Variants in FER observed in about 807,000 individuals in gnomAD.
FER encodes tyrosine-protein kinase Fer.
Under a neutral mutation model 111.0 loss-of-function variants are expected in FER, and 63 were observed. The ratio of observed to expected loss-of-function variants is 0.57; its 90% CI spans 0.46 to 0.70. The LOEUF (loss-of-function observed/expected upper bound fraction) is 0.70. FER is among the 30% of genes least tolerant of loss of function. FER has a pLI of 0.00. For synonymous variants in FER, 327 were observed against 313.9 expected (o/e 1.04, Z -0.44); for missense variants, 914 against 954.0 (o/e 0.96, Z 0.55).
intron 16 of FER, among the ~76,000 whole-genome samples, chr5:109,065,513 G>A (rs1004012376): frequency 3.9e-5 from 6 of 152,180 alleles, no homozygotes; most frequent in Admixed American, 6.5e-5. Context: ...CAAAGTATCT[G>A]GACTCTTCTC....
intron 3 of FER, among the ~76,000 whole-genome samples, chr5:108,831,985 GTA>G (rs1205103751): frequency 1.3e-5 from 2 of 151,244 alleles, no homozygotes; most frequent in African/African-American, 4.9e-5. Context: ...TTTTTTAAAA[GTA>G]TGTGTATGTC....
At chr5:109,100,341 T>C in intron 16 of FER, 55 bp from the exon 17 acceptor site, 1 of 1,592,490 alleles carries the variant, frequency 6.3e-7, no homozygotes, top group Non-Finnish European at 8.6e-7. Flanking sequence ...AAATAGATGA[T>C]AAATGTGACT....
At chr5:108,897,450 G>T (rs1469464388) in intron 9 of FER, among the ~76,000 whole-genome samples, 1 of 152,066 alleles carries the variant, frequency 6.6e-6, no homozygotes, top group Non-Finnish European at 1.5e-5. Context: ...CTTGAATTTG[G>T]ATTTGACTCC....
chr5:109,174,514 T>C (rs561935609), intron 17 of FER, among the ~76,000 whole-genome samples: 1 of 152,312 alleles, frequency 6.6e-6, no homozygotes, highest in Admixed American at 6.5e-5. Flanking sequence ...TGGTGTGCTC[T>C]AAGAGACAGT....
At chr5:108,845,742 C>CA (rs567504268) in intron 5 of FER, among the ~76,000 whole-genome samples, 3 of 152,114 alleles carry the variant, frequency 2.0e-5, no homozygotes, top group Non-Finnish European at 4.4e-5. Context: ...CTCTCACCTT[C>CA]AAGTATGATG....
chr5:109,183,341 TGGGTTCAA>T (rs1758496710), intron 18 of FER, among the ~76,000 whole-genome samples: 1 of 145,930 alleles, frequency 6.9e-6, no homozygotes, highest in South Asian at 2.2e-4. Context: ...CTCTGCCTCC[TGGGTTCAA>T]GCAATTCTCC....
chr5:108,974,695 T>C (rs552336883), intron 13 of FER, among the ~76,000 whole-genome samples: 1 of 152,362 alleles, frequency 6.6e-6, no homozygotes, highest in South Asian at 2.1e-4. Context: ...CAAGTATTCT[T>C]ACCTGGAAGA....
chr5:109,104,723 A>C (rs1364255546), intron 17 of FER, among the ~76,000 whole-genome samples: 1 of 152,156 alleles, frequency 6.6e-6, no homozygotes, highest in Non-Finnish European at 1.5e-5. Context: ...AATCTCATGA[A>C]AATGTATATG....
chr5:108,820,236 T>C, intron 3 of FER: 1 of 985,430 alleles, frequency 1.0e-6, no homozygotes, highest in Non-Finnish European at 1.2e-6. Flanking sequence ...TCAAGGAGTT[T>C]GTGAGGATGG....
At chr5:108,814,391 C>G (rs1181446587) in intron 3 of FER, among the ~76,000 whole-genome samples, 1 of 152,142 alleles carries the variant, frequency 6.6e-6, no homozygotes, top group Non-Finnish European at 1.5e-5. Flanking sequence ...AGTACAGCTA[C>G]TCCATACACA....
At chr5:108,796,067 A>T (rs1755982504) in intron 2 of FER, among the ~76,000 whole-genome samples, 1 of 152,198 alleles carries the variant, frequency 6.6e-6, no homozygotes, top group African/African-American at 2.4e-5. Context: ...GCTGTCATGT[A>T]AGCTGTATCT....
intron 17 of FER, 87 bp downstream of exon 17, chr5:109,100,606 C>T: frequency 7.6e-7 from 1 of 1,310,372 alleles, no homozygotes; most frequent in East Asian, 2.4e-5. Context: ...AAGTCATTTT[C>T]TTTCATGAAA....
intron 17 of FER, among the ~76,000 whole-genome samples, chr5:109,166,312 T>C (rs1393090331): frequency 6.6e-6 from 1 of 151,470 alleles, no homozygotes; most frequent in Non-Finnish European, 1.5e-5. Context: ...TTAAAATGAG[T>C]TCAAAGTTGA....
Position 108,760,429 on chromosome 5 carries a change from T to C in FER, c.-205-7664T>C, listed in dbSNP as rs573991665. Among the ~76,000 whole-genome samples, 5 of 152,350 alleles carry C rather than the reference T, an allele frequency of 3.3e-5. No individual in the cohort carries two copies. The South Asian group carries it at 8.3e-4, about 25-fold the overall frequency. ...TGAAGTCACGCATTAACTTTTCTTC[T>C]GTAGCTATGAAAGTCCCAGATGACA... On this transcript the variant is annotated intron_variant, in intron 1 of 19. Transcript: ENST00000281092.
rs1005085878 is a variant in FER at position 109,188,581 on chromosome 5, A to G, written c.*1006A>G. ...GAAAGTGAAAATATAAAACCACCTT[A>G]TCAGAGTTATGCCTTTCTAAACATC... On this transcript the variant is annotated 3_prime_UTR_variant, in exon 20 of 20. Coordinates refer to ENST00000281092, the MANE Select transcript of FER (RefSeq NM_005246.4). 8 of 152,130 alleles carry G rather than the reference A, an allele frequency of 5.3e-5. No individual in the cohort carries two copies. The highest frequency in any genetic ancestry group is 1.9e-4 in the African/African-American group (8 of 41,426). 9.4% of individuals were successfully genotyped at this position (152,130 alleles called of 1,614,324 possible).
chr5:108,893,730 G>A (rs969771702), intron 9 of FER, among the ~76,000 whole-genome samples: 3 of 152,058 alleles, frequency 2.0e-5, no homozygotes, highest in South Asian at 2.1e-4. Context: ...ACTGTGTGGG[G>A]CAAGCAAAAG....
chr5:109,052,073 G>A (rs1327407360), intron 16 of FER: 2 of 1,603,042 alleles, frequency 1.2e-6, no homozygotes, highest in African/African-American at 1.3e-5. Context: ...ATCTCAATCT[G>A]CTTCAAGTGC....
At chr5:108,786,668 T>C (rs1754757110) in intron 2 of FER, among the ~76,000 whole-genome samples, 1 of 152,044 alleles carries the variant, frequency 6.6e-6, no homozygotes, top group Non-Finnish European at 1.5e-5. Context: ...GCCCAGCTAA[T>C]TTTTTGTATG....
intron 13 of FER, among the ~76,000 whole-genome samples, chr5:109,003,060 G>A (rs371500693): frequency 0.032 from 4,934 of 152,202 alleles, 117 homozygotes; most frequent in Middle Eastern, 0.13. Context: ...TCAGTGTGGC[G>A]ATTCCTCAGG....
Sources: gnomAD v4.1 joint callset for allele counts (sites outside exome capture counted in the v4.1 genomes callset) on GRCh38, gnomAD v4.1.1 for gene constraint, MANE v1.5 for transcripts, NCBI Gene and HGNC (gene_info 2026-07-23, HGNC 2026-07-21) for gene names.